The following SAMD3 variants were observed in gnomAD, a reference collection of about 807,000 sequenced individuals.
The protein encoded by SAMD3 is sterile alpha motif domain-containing protein 3.
SAMD3 carries 63 observed loss-of-function variants against 58.5 expected under a neutral mutation model. The ratio of observed to expected loss-of-function variants is 1.08; its 90% CI spans 0.88 to 1.33. The LOEUF (loss-of-function observed/expected upper bound fraction) is 1.33, where lower values mean the gene tolerates loss of function less well. Ranked by LOEUF, SAMD3 falls within the 40% of genes most tolerant of loss-of-function variation. The probability of loss-of-function intolerance (pLI) is 0.00; values close to 1 mark genes in which losing one functional copy is unlikely to be tolerated. For missense variants in SAMD3, 604 were observed against 608.4 expected (o/e 0.99, Z 0.08); for synonymous variants, 220 against 210.3 (o/e 1.05, Z -0.40).
At chr6:130,365,721 G>C, upstream of SAMD3, 2 of 985,528 alleles carry the variant, frequency 2.0e-6, no homozygotes, top group Non-Finnish European at 1.2e-6. Flanking sequence ...GCCTGCAAGC[G>C]GGTACTTTGT....
chr6:130,206,156 C>T (rs1795063996), intron 5 of SAMD3, among the ~76,000 whole-genome samples: 1 of 152,214 alleles, frequency 6.6e-6, no homozygotes, highest in African/African-American at 2.4e-5. Flanking sequence ...CCTCCTCCCA[C>T]ACAAGTGATT....
intron 2 of SAMD3, among the ~76,000 whole-genome samples, chr6:130,290,450 C>A (rs1266658561): frequency 6.6e-6 from 1 of 152,186 alleles, no homozygotes; most frequent in Non-Finnish European, 1.5e-5. Context: ...ATCTGCTTTA[C>A]TCGAGGTTTA....
intron 9 of SAMD3, among the ~76,000 whole-genome samples, chr6:130,148,642 G>A (rs932144604): frequency 1.3e-5 from 2 of 152,178 alleles, no homozygotes; most frequent in African/African-American, 4.8e-5. Flanking sequence ...GGAGGCCAGG[G>A]CAGAAGGATC....
chr6:130,351,257 A>T (rs1477177542), intron 1 of SAMD3, among the ~76,000 whole-genome samples: 1 of 152,224 alleles, frequency 6.6e-6, no homozygotes. Flanking sequence ...GCTTCTGCAC[A>T]GCAAAAGAAA....
intron 2 of SAMD3, among the ~76,000 whole-genome samples, chr6:130,282,872 A>C (rs1775028920): frequency 6.6e-6 from 1 of 152,210 alleles, no homozygotes; most frequent in Non-Finnish European, 1.5e-5. Context: ...TAAAAGAAGC[A>C]AATATAAAAC....
intron 2 of SAMD3, among the ~76,000 whole-genome samples, chr6:130,281,498 T>C (rs1011062016): frequency 3.9e-5 from 6 of 152,140 alleles, no homozygotes; most frequent in Non-Finnish European, 8.8e-5. Flanking sequence ...CTTATCTCCC[T>C]GCATCTGTTC....
intron 5 of SAMD3, among the ~76,000 whole-genome samples, chr6:130,205,246 G>A (rs984091248): frequency 1.3e-5 from 2 of 150,922 alleles, no homozygotes; most frequent in Non-Finnish European, 2.9e-5. Context: ...CTATGAAAGT[G>A]TATTCAGTCT....
intron 2 of SAMD3, among the ~76,000 whole-genome samples, chr6:130,292,315 GGCTGGAGT>G (rs930557498): frequency 7.1e-6 from 1 of 141,546 alleles, no homozygotes; most frequent in Non-Finnish European, 1.5e-5. Context: ...TTGTCACCCA[GGCTGGAGT>G]GCTGGAGTGC....
At chr6:130,316,300 A>G (rs1424406178) in intron 1 of SAMD3, among the ~76,000 whole-genome samples, 1 of 151,096 alleles carries the variant, frequency 6.6e-6, no homozygotes, top group Non-Finnish European at 1.5e-5. Flanking sequence ...AAAAAAAAAA[A>G]AAAAAAAAAA....
chr6:130,254,514 A>G (rs1472368434), intron 2 of SAMD3, among the ~76,000 whole-genome samples: 1 of 151,484 alleles, frequency 6.6e-6, no homozygotes, highest in Non-Finnish European at 1.5e-5. Context: ...TTTTTAGTAG[A>G]GATAAGGTTT....
At chr6:130,348,727 C>T (rs1395144305) in intron 1 of SAMD3, among the ~76,000 whole-genome samples, 1 of 152,148 alleles carries the variant, frequency 6.6e-6, no homozygotes, top group Non-Finnish European at 1.5e-5. Context: ...AGCAAGCGGA[C>T]CTAATAGACA....
At chr6:130,344,845 A>AAAAAAAAAAAAAAAAAAC (rs1777393162) in intron 1 of SAMD3, among the ~76,000 whole-genome samples, 1 of 150,968 alleles carries the variant, frequency 6.6e-6, no homozygotes, top group Admixed American at 6.6e-5. Context: ...AAAAAAAAAA[A>AAAAAAAAAAAAAAAAAAC]AAAAAAAAGA....
chr6:130,206,827 C>A (rs1795125146), intron 5 of SAMD3, among the ~76,000 whole-genome samples: 1 of 152,012 alleles, frequency 6.6e-6, no homozygotes, highest in Admixed American at 6.6e-5. Context: ...TGTGAGATGC[C>A]ATTAAGTGTG....
At chr6:130,158,544 T>A (rs1025793106) in intron 8 of SAMD3, among the ~76,000 whole-genome samples, 4 of 152,058 alleles carry the variant, frequency 2.6e-5, no homozygotes, top group African/African-American at 4.8e-5. Context: ...CTTAAAAAAA[T>A]TTAAAGAAAA....
chr6:130,173,536 G>C (rs71572905), intron 8 of SAMD3, among the ~76,000 whole-genome samples: 14,429 of 152,236 alleles, frequency 0.095, 1,093 homozygotes, highest in African/African-American at 0.21. Flanking sequence ...TCACTGCCTA[G>C]TCCTTCCTCT....
chr6:130,299,642 A>G (rs1775680243), intron 2 of SAMD3, among the ~76,000 whole-genome samples: 1 of 152,172 alleles, frequency 6.6e-6, no homozygotes, highest in Admixed American at 6.5e-5. Flanking sequence ...TGAGGCCAAA[A>G]AACCAGACAA....
At chr6:130,307,145 T>C (rs917876696) in intron 2 of SAMD3, among the ~76,000 whole-genome samples, 2 of 152,228 alleles carry the variant, frequency 1.3e-5, no homozygotes, top group African/African-American at 4.8e-5. Context: ...TTTATACACA[T>C]ATCTAAACTT....
chr6:130,260,916 G>A (rs540153031), intron 2 of SAMD3, among the ~76,000 whole-genome samples: 102 of 152,316 alleles, frequency 6.7e-4, no homozygotes, highest in Middle Eastern at 3.4e-3. Context: ...TGTTTGAGTG[G>A]AAGTGTGGTC....
At chr6:130,279,216 T>A (rs1210367514) in intron 2 of SAMD3, among the ~76,000 whole-genome samples, 1 of 152,148 alleles carries the variant, frequency 6.6e-6, no homozygotes, top group African/African-American at 2.4e-5. Flanking sequence ...TGTCCCCCAC[T>A]AAATATCATC....
Sources: allele counts gnomAD v4.1 joint callset (sites outside exome capture counted in the v4.1 genomes callset), GRCh38; gene constraint gnomAD v4.1.1; transcripts MANE v1.5; gene names NCBI Gene and HGNC (gene_info 2026-07-23, HGNC 2026-07-21).